The following AP1G1 variants were observed in gnomAD, a reference collection of about 807,000 sequenced individuals.
The protein encoded by AP1G1 is AP-1 complex subunit gamma-1.
In AP1G1, 7 loss-of-function variants were observed where a neutral mutation model predicts 108.3. The observed-to-expected ratio is 0.06, with a 90% CI of 0.04 to 0.12. AP1G1 has a LOEUF of 0.12. Ranked by LOEUF, AP1G1 falls within the 10% of genes least tolerant of loss-of-function variation. The probability of loss-of-function intolerance (pLI) is 1.00; values close to 1 mark genes in which losing one functional copy is unlikely to be tolerated. For synonymous variants in AP1G1, 379 were observed against 353.5 expected (o/e 1.07, Z -0.81); for missense variants, 756 against 1,010.7 (o/e 0.75, Z 3.42).
chr16:71,796,666 C>A (rs2032594770), intron 1 of AP1G1, among the ~76,000 whole-genome samples: 1 of 152,140 alleles, frequency 6.6e-6, no homozygotes. Context: ...TGTAGGATCA[C>A]ATTGAGATAC....
intron 2 of AP1G1, among the ~76,000 whole-genome samples, chr16:71,774,998 G>A (rs1466804962): frequency 1.3e-5 from 2 of 148,304 alleles, no homozygotes; most frequent in Non-Finnish European, 3.0e-5. Context: ...TGGGATTACA[G>A]GCATGAGCCA....
intron 21 of AP1G1, among the ~76,000 whole-genome samples, chr16:71,736,577 T>G: frequency 1.4e-5 from 2 of 139,512 alleles, no homozygotes; most frequent in Admixed American, 7.4e-5. Context: ...TTTATTTATT[T>G]ATTTATTTAT....
intron 2 of AP1G1, among the ~76,000 whole-genome samples, chr16:71,777,018 A>T (rs1040211139): frequency 4.9e-5 from 7 of 141,692 alleles, no homozygotes; most frequent in African/African-American, 1.8e-4. Flanking sequence ...CTGAGGCAGG[A>T]GAATGGTTTG....
intron 1 of AP1G1, among the ~76,000 whole-genome samples, chr16:71,797,725 G>A (rs1441701912): frequency 6.6e-6 from 1 of 152,120 alleles, no homozygotes; most frequent in African/African-American, 2.4e-5. Context: ...CTTGAACCCA[G>A]GAGGCGGGGA....
chr16:71,759,597 A>G (rs187741897), intron 10 of AP1G1, among the ~76,000 whole-genome samples: 256 of 152,128 alleles, frequency 1.7e-3, no homozygotes, highest in Non-Finnish European at 2.0e-3. Flanking sequence ...CGTCTCTACT[A>G]AAAATACAAA....
At chr16:71,748,469 A>G (rs886220251) in intron 15 of AP1G1, 91 bp from the exon 16 acceptor site, 2 of 1,401,224 alleles carry the variant, frequency 1.4e-6, no homozygotes, top group Non-Finnish European at 1.9e-6. Context: ...AGCAGCCAGA[A>G]AGACAATCCT....
intron 1 of AP1G1, among the ~76,000 whole-genome samples, chr16:71,792,555 G>T (rs1237028113): frequency 6.6e-6 from 1 of 152,152 alleles, no homozygotes; most frequent in African/African-American, 2.4e-5. Context: ...GGAAGTTAAA[G>T]AATTACAAGT....
In AP1G1 at chr16:71,745,408, A is replaced by AGACAAGCTGTAAGG. The variant is rs1261909797; in HGVS notation, c.1872+51_1872+64dup. On this transcript the variant is annotated intron_variant, in intron 18 of 22. Transcript: ENST00000299980. ...GGAACATTAAAGGGACTCAGCTAAG[A>AGACAAGCTGTAAGG]GACAAGCTGTAAGGGACTATAAAAT... The AGACAAGCTGTAAGG allele has an allele frequency of 2.9e-5, 46 of 1,611,266 alleles. No individual in the cohort carries two copies. In the Admixed American group the frequency reaches 7.7e-4, roughly 27 times the overall value.
chr16:71,737,530 C>T (rs2045565278), intron 21 of AP1G1, among the ~76,000 whole-genome samples: 1 of 152,202 alleles, frequency 6.6e-6, no homozygotes, highest in East Asian at 1.9e-4. Flanking sequence ...AGCGATCCAC[C>T]CGCCTCAGCC....
At chr16:71,790,645 T>A (rs1219630309) in intron 1 of AP1G1, among the ~76,000 whole-genome samples, 1 of 152,190 alleles carries the variant, frequency 6.6e-6, no homozygotes, top group East Asian at 1.9e-4. Context: ...CAAGATAGTC[T>A]TTCAATGAAT....
chr16:71,778,789 TGCACACAAAA>T (rs1354587269), intron 2 of AP1G1, among the ~76,000 whole-genome samples: 5 of 151,070 alleles, frequency 3.3e-5, no homozygotes, highest in Admixed American at 6.6e-5. Flanking sequence ...ATGGGGGAGA[TGCACACAAAA>T]GGAGGGCATC....
At chr16:71,804,023 T>C (rs1178244430) in intron 1 of AP1G1, among the ~76,000 whole-genome samples, 1 of 151,836 alleles carries the variant, frequency 6.6e-6, no homozygotes, top group Non-Finnish European at 1.5e-5. Context: ...AAAATGCTAC[T>C]ACATTTTGAT....
At chr16:71,741,028 C>T (rs561323760) in intron 19 of AP1G1, among the ~76,000 whole-genome samples, 260 of 152,194 alleles carry the variant, frequency 1.7e-3, no homozygotes, top group Middle Eastern at 3.4e-3. Context: ...ATAAGAACAA[C>T]TTGACAATCA....
intron 1 of AP1G1, chr16:71,807,738 C>CA: frequency 9.1e-7 from 1 of 1,099,210 alleles, no homozygotes; most frequent in South Asian, 1.3e-5. Flanking sequence ...ACTAAGAAAG[C>CA]ACTAACTCCT....
intron 1 of AP1G1, among the ~76,000 whole-genome samples, chr16:71,792,840 C>G (rs906594432): frequency 1.3e-5 from 2 of 150,226 alleles, no homozygotes; most frequent in African/African-American, 2.5e-5. Context: ...GGTGACGGAG[C>G]GAGACTCTGT....
At chr16:71,766,430 T>C in intron 6 of AP1G1, 1 of 469,942 alleles carries the variant, frequency 2.1e-6, no homozygotes, top group Non-Finnish European at 4.4e-6. Flanking sequence ...TTTTAAATAT[T>C]GGCACTCATT....
chr16:71,796,866 G>C (rs1387324009), intron 1 of AP1G1, among the ~76,000 whole-genome samples: 1 of 151,942 alleles, frequency 6.6e-6, no homozygotes, highest in East Asian at 1.9e-4. Flanking sequence ...CAATTCAACA[G>C]CACTGAGATG....
At chr16:71,767,286 C>G (rs2031355606) in intron 6 of AP1G1, among the ~76,000 whole-genome samples, 1 of 152,148 alleles carries the variant, frequency 6.6e-6, no homozygotes, top group Non-Finnish European at 1.5e-5. Flanking sequence ...GTTATTAAAA[C>G]TGATGACAAG....
rs748724071 is a variant in AP1G1, at chr16:71,739,330, C to T, written c.2011G>A (p.Ala671Thr). 3.1e-6 allele frequency: 5 copies of T among 1,599,936 alleles called. No homozygotes were observed. Among genetic ancestry groups the T allele is most frequent in the Admixed American group, 3.7e-5 (2 of 54,682 alleles). The change falls in exon 20 of 23, where the codon GCT (alanine) becomes ACT (threonine). Residue 671 changes from alanine (A) to threonine (T), a missense_variant. Physicochemically the swap from Ala to Thr is moderately conservative, Grantham distance 58 (BLOSUM62 0). Transcript: ENST00000299980. ...GDINLTGAPA[A>T]APAPASVPQI... ...GGGACTGAGGCAGGGGCAGGAGCAGCAGCTGGAGCACCTAAAGGAAATATT... is the reference window on the plus strand; with the variant it reads ...GGGACTGAGGCAGGGGCAGGAGCAGTAGCTGGAGCACCTAAAGGAAATATT...
Sources: allele counts gnomAD v4.1 joint callset (sites outside exome capture counted in the v4.1 genomes callset), GRCh38; gene constraint gnomAD v4.1.1; transcripts MANE v1.5; gene names NCBI Gene and HGNC (gene_info 2026-07-23, HGNC 2026-07-21).